ZMYND8: variants seen among roughly 807,000 people sequenced by gnomAD.
The protein encoded by ZMYND8 is zinc finger MYND-type containing 8.
A neutral mutation model predicts 140.8 loss-of-function variants in ZMYND8; 37 were observed. The observed-to-expected ratio is 0.26, with a 90% CI of 0.20 to 0.35. ZMYND8 has a LOEUF of 0.35. Among genes scored for constraint, ZMYND8 ranks in the 10% least tolerant of loss-of-function variants. The pLI is 1.00. For synonymous variants in ZMYND8, 592 were observed against 597.1 expected (o/e 0.99, Z 0.12); for missense variants, 1,068 against 1,570.0 (o/e 0.68, Z 5.40).
intron 11 of ZMYND8, among the ~76,000 whole-genome samples, chr20:47,269,235 T>G (rs548807177): frequency 6.6e-6 from 1 of 152,144 alleles, no homozygotes; most frequent in South Asian, 2.1e-4. Context: ...GAAACAGATA[T>G]GACTAAGCAG....
chr20:47,347,563 A>G (rs2082433018), intron 2 of ZMYND8, among the ~76,000 whole-genome samples: 1 of 152,174 alleles, frequency 6.6e-6, no homozygotes, highest in African/African-American at 2.4e-5. Context: ...TGCTTTATTT[A>G]AACTGTGGCT....
chr20:47,290,154 T>C (rs1451665923), intron 7 of ZMYND8, 33 bp downstream of exon 7: 5 of 1,596,258 alleles, frequency 3.1e-6, no homozygotes, highest in South Asian at 1.1e-5. Context: ...ATACACAGCA[T>C]ACTCTTTCTT....
intron 8 of ZMYND8, among the ~76,000 whole-genome samples, chr20:47,283,986 G>C (rs574935995): frequency 6.6e-6 from 1 of 152,028 alleles, no homozygotes; most frequent in Admixed American, 6.5e-5. Context: ...GCAGTGGCCC[G>C]ATCTGGGCTC....
At chr20:47,256,416 G>A (rs770863818) in intron 12 of ZMYND8, among the ~76,000 whole-genome samples, 14 of 152,072 alleles carry the variant, frequency 9.2e-5, no homozygotes, top group Non-Finnish European at 1.6e-4. Context: ...TCAGGAGATT[G>A]AGACCATCCT....
intron 12 of ZMYND8, among the ~76,000 whole-genome samples, chr20:47,259,747 A>G (rs1327760704): frequency 6.6e-6 from 1 of 152,098 alleles, no homozygotes; most frequent in African/African-American, 2.4e-5. Context: ...CAGTAAGCCA[A>G]TGGGGCTGGA....
intron 2 of ZMYND8, among the ~76,000 whole-genome samples, chr20:47,310,526 G>A (rs916664755): frequency 5.3e-5 from 8 of 152,138 alleles, no homozygotes; most frequent in East Asian, 3.9e-4. Context: ...GGCCAGGCAC[G>A]GTGGCTCATG....
chr20:47,266,667 C>T (rs868412656), intron 11 of ZMYND8, among the ~76,000 whole-genome samples: 57 of 152,128 alleles, frequency 3.7e-4, no homozygotes, highest in African/African-American at 1.3e-3. Context: ...CTAAACATAT[C>T]CCAAATCTCT....
In ZMYND8 at chr20:47,349,772, G is replaced by A. The variant is rs1249155551; in HGVS notation, c.15-1846C>T. ...TCTTGAAACCGATCCCATATTTTGA[G>A]TAATAGAGAAAACGCTAATCTGTGA... On this transcript the variant is annotated intron_variant, in intron 1 of 22. Coordinates refer to ENST00000471951, the MANE Select transcript of ZMYND8 (RefSeq NM_001281775.3). 1.3e-5 allele frequency: 20 copies of A among 1,497,484 alleles called. No homozygotes were observed. The Admixed American group carries it at 3.5e-4, about 26-fold the overall frequency. 92.8% of individuals were successfully genotyped at this position (1,497,484 alleles called of 1,614,324 possible). A position where few individuals can be genotyped will look rare whatever the true frequency, so the allele number is the denominator to read the frequency against.
chr20:47,265,462 A>G (rs949226128), intron 11 of ZMYND8, among the ~76,000 whole-genome samples: 3 of 147,220 alleles, frequency 2.0e-5, no homozygotes, highest in Admixed American at 2.0e-4. Context: ...TTGTTTTGAG[A>G]CAAAGTCTTG....
At chr20:47,312,374 T>C (rs1247730319) in intron 2 of ZMYND8, among the ~76,000 whole-genome samples, 1 of 152,188 alleles carries the variant, frequency 6.6e-6, no homozygotes, top group Non-Finnish European at 1.5e-5. Flanking sequence ...TGCAAGCTTC[T>C]GGACAATCCT....
Position 47,352,575 on chromosome 20 carries a change from G to A in ZMYND8, c.14+4082C>T, listed in dbSNP as rs1248203083. 4 of 979,602 alleles carry A rather than the reference G, an allele frequency of 4.1e-6. No homozygotes were observed. The South Asian group carries it at 1.9e-4, about 46-fold the overall frequency. 60.7% of individuals were successfully genotyped at this position (979,602 alleles called of 1,614,324 possible). On this transcript the variant is annotated intron_variant, in intron 1 of 22. Transcript: ENST00000471951. ...AGAGGCCGAACTAACAGCCTGAGTG[G>A]ATAACGTCATTTACTGTTACAGGTC... is the stretch of plus-strand genomic sequence containing the variant.
intron 3 of ZMYND8, among the ~76,000 whole-genome samples, chr20:47,303,376 G>A (rs1423719723): frequency 6.6e-6 from 1 of 152,098 alleles, no homozygotes; most frequent in Non-Finnish European, 1.5e-5. Context: ...TTCAGTATCT[G>A]ACTTCTTTTC....
intron 1 of ZMYND8, chr20:47,356,366 CT>C: frequency 7.1e-7 from 1 of 1,411,250 alleles, no homozygotes. Flanking sequence ...AAAAAAGCTT[CT>C]TTTTTGGCAT....
At chr20:47,315,262 C>T (rs1342521837) in intron 2 of ZMYND8, among the ~76,000 whole-genome samples, 1 of 152,184 alleles carries the variant, frequency 6.6e-6, no homozygotes, top group African/African-American at 2.4e-5. Flanking sequence ...AGCATGCCCA[C>T]ACCTGAGAGT....
intron 2 of ZMYND8, among the ~76,000 whole-genome samples, chr20:47,336,909 C>G (rs2081426496): frequency 6.6e-6 from 1 of 152,186 alleles, no homozygotes; most frequent in Non-Finnish European, 1.5e-5. Context: ...CCCTGCATCC[C>G]CAGATGCCAG....
chr20:47,286,763 C>T (rs1271860114), intron 8 of ZMYND8, among the ~76,000 whole-genome samples: 3 of 152,340 alleles, frequency 2.0e-5, no homozygotes, highest in Non-Finnish European at 4.4e-5. Flanking sequence ...CTGTTCCATC[C>T]ACGCCATCAC....
chr20:47,285,647 C>T (rs1336522252), intron 8 of ZMYND8: 34 of 979,234 alleles, frequency 3.5e-5, no homozygotes, highest in Non-Finnish European at 4.1e-5. Flanking sequence ...AGTTTTATTC[C>T]TAAAAATTAA....
At chr20:47,262,181 TAGAGAAA>T in intron 12 of ZMYND8, 100 bp downstream of exon 12, 6 of 1,496,670 alleles carry the variant, frequency 4.0e-6, no homozygotes, top group Non-Finnish European at 5.5e-6. Flanking sequence ...ATTTTTTGCA[TAGAGAAA>T]AGAGTTGAAG....
At chr20:47,249,171 T>C (rs1187499418) in intron 13 of ZMYND8, 116 bp downstream of exon 13, 2 of 1,269,642 alleles carry the variant, frequency 1.6e-6, no homozygotes, top group East Asian at 4.9e-5. Flanking sequence ...TAGTTGAAAG[T>C]TAAAGCAGCT....
Sources: allele counts gnomAD v4.1 joint callset (sites outside exome capture counted in the v4.1 genomes callset), GRCh38; gene constraint gnomAD v4.1.1; transcripts MANE v1.5; gene names NCBI Gene and HGNC (gene_info 2026-07-23, HGNC 2026-07-21).